EFR3A: variants seen among roughly 807,000 people sequenced by gnomAD.
EFR3A encodes EFR3 homolog A.
EFR3A carries 76 observed loss-of-function variants against 104.4 expected under a neutral mutation model. The observed-to-expected ratio is 0.73, with a 90% confidence interval of 0.60 to 0.88. The LOEUF is 0.88. Among genes scored for constraint, EFR3A ranks in the 40% least tolerant of loss-of-function variants. The pLI is 0.00. For missense variants in EFR3A, 985 were observed against 1,012.5 expected, an observed-to-expected ratio of 0.97 and a Z score of 0.37; for synonymous variants, 330 against 330.0, an observed-to-expected ratio of 1.00 and a Z score of 0.00.
At chr8:131,988,749 A>G (rs1363952585) in intron 18 of EFR3A, among the ~76,000 whole-genome samples, 4 of 152,282 alleles carry the variant, frequency 2.6e-5, no homozygotes, top group South Asian at 4.1e-4. Context: ...AGGTAAATCC[A>G]GTTGTCAGTT....
At chr8:131,933,814 T>C (rs1264942109) in intron 1 of EFR3A, among the ~76,000 whole-genome samples, 8 of 152,014 alleles carry the variant, frequency 5.3e-5, no homozygotes, top group Admixed American at 5.2e-4. Flanking sequence ...CTGTTTTTTT[T>C]TTTCTACAGT....
intron 14 of EFR3A, among the ~76,000 whole-genome samples, chr8:131,980,708 A>G (rs1257178085): frequency 6.6e-6 from 1 of 152,068 alleles, no homozygotes; most frequent in Non-Finnish European, 1.5e-5. Context: ...AATATACAAT[A>G]CACTATTATT....
At chr8:131,921,558 A>AT (rs947071522) in intron 1 of EFR3A, among the ~76,000 whole-genome samples, 2 of 152,116 alleles carry the variant, frequency 1.3e-5, no homozygotes, top group South Asian at 4.1e-4. Context: ...CAACATTTTC[A>AT]TTTTTTTAAT....
chr8:131,956,796 A>G lies in EFR3A; in HGVS notation c.776+891A>G, dbSNP rs546108397. On this transcript the variant is annotated intron_variant, in intron 7 of 22. Transcript: ENST00000254624. The stretch of plus-strand genomic sequence containing the variant: ...GGGATCTGTGTTTCCTCCCACCTCC[A>G]AAATATTGAGATCTATTGTTTAAAG... Among the ~76,000 whole-genome samples, 4 of 152,282 alleles carry G rather than the reference A, an allele frequency of 2.6e-5. No homozygotes were observed. The South Asian group carries it at 8.3e-4, about 32-fold the overall frequency.
chr8:131,998,780 CAAGGT>C (rs1459069281), intron 19 of EFR3A, among the ~76,000 whole-genome samples: 3 of 151,910 alleles, frequency 2.0e-5, no homozygotes, highest in Non-Finnish European at 4.4e-5. Flanking sequence ...TTGAGAGACT[CAAGGT>C]AAAAGGTATT....
At chr8:131,977,787 G>A (rs1383878366) in intron 12 of EFR3A, among the ~76,000 whole-genome samples, 1 of 151,640 alleles carries the variant, frequency 6.6e-6, no homozygotes, top group Non-Finnish European at 1.5e-5. Context: ...TCTGTTTATG[G>A]CGCTTGTCAT....
chr8:131,973,269 C>T (rs558437852), intron 10 of EFR3A, among the ~76,000 whole-genome samples: 2 of 151,926 alleles, frequency 1.3e-5, no homozygotes, highest in South Asian at 2.1e-4. Flanking sequence ...TAGTGAACCT[C>T]GCTTCTGTGG....
chr8:132,007,552 C>G (rs1822114859), intron 22 of EFR3A, among the ~76,000 whole-genome samples: 1 of 151,912 alleles, frequency 6.6e-6, no homozygotes, highest in Non-Finnish European at 1.5e-5. Context: ...TCAAGTTGAT[C>G]TGTAGCTTCA....
At chr8:131,920,315 T>G (rs1451521369) in intron 1 of EFR3A, among the ~76,000 whole-genome samples, 2 of 152,160 alleles carry the variant, frequency 1.3e-5, no homozygotes, top group African/African-American at 4.8e-5. Flanking sequence ...AAGATGTGCA[T>G]GTAGCAAGGA....
At position 132,002,609 on chromosome 8, in the gene EFR3A, G is replaced by C. The variant is rs771962282; in HGVS notation, c.2213G>C (p.Ser738Thr). ...TTTATAAATATTTGTATAGATACCAGTGGAATGGAAGAACAGGAAAAGGAA... is the reference window on the plus strand; with the variant it reads ...TTTATAAATATTTGTATAGATACCACTGGAATGGAAGAACAGGAAAAGGAA... Reference protein sequence around the residue: ...FEALKKAIDTSGMEEQEKEKR... With the variant: ...FEALKKAIDTTGMEEQEKEKR... Residue 738 changes from serine to threonine, a missense_variant, in exon 21 of 23, where the codon AGT becomes ACT. Transcript: ENST00000254624. 3 of 1,612,344 alleles carry C rather than the reference G, an allele frequency of 1.9e-6. No homozygotes were observed. The South Asian group carries it at 3.3e-5, about 18-fold the overall frequency.
chr8:131,950,221 C>A, intron 5 of EFR3A, 131 bp downstream of exon 5: 1 of 985,850 alleles, frequency 1.0e-6, no homozygotes, highest in Non-Finnish European at 1.4e-6. Flanking sequence ...CTGTTAGAAG[C>A]TATAATTGCT....
At chr8:131,971,693 A>T (rs1014696784) in intron 10 of EFR3A, among the ~76,000 whole-genome samples, 2 of 152,152 alleles carry the variant, frequency 1.3e-5, no homozygotes, top group African/African-American at 4.8e-5. Context: ...CTCAAAAAAA[A>T]AAAAAAAAAT....
chr8:132,008,069 C>G (rs1822134337), intron 22 of EFR3A, among the ~76,000 whole-genome samples: 1 of 151,880 alleles, frequency 6.6e-6, no homozygotes, highest in Non-Finnish European at 1.5e-5. Context: ...ACACAAAGTA[C>G]TAAACAAAAT....
At chr8:131,966,134 A>G (rs1423855289) in intron 8 of EFR3A, among the ~76,000 whole-genome samples, 2 of 152,162 alleles carry the variant, frequency 1.3e-5, no homozygotes, top group Non-Finnish European at 2.9e-5. Context: ...TGGGTGCAGC[A>G]CACCAACATG....
chr8:131,987,746 T>TTA (rs1401013388), intron 18 of EFR3A, 44 bp downstream of exon 18: 5 of 1,535,998 alleles, frequency 3.3e-6, no homozygotes, highest in Non-Finnish European at 4.4e-6. Context: ...TGATTGCTTA[T>TTA]GTTATAGTAA....
At chr8:131,981,836 A>G (rs780169496) in intron 14 of EFR3A, among the ~76,000 whole-genome samples, 21 of 151,954 alleles carry the variant, frequency 1.4e-4, no homozygotes, top group Non-Finnish European at 2.8e-4. Flanking sequence ...GGAACCCCTT[A>G]TACATTGGGA....
chr8:131,960,535 T>C (rs1417062345), intron 8 of EFR3A, among the ~76,000 whole-genome samples: 2 of 152,180 alleles, frequency 1.3e-5, no homozygotes, highest in Non-Finnish European at 2.9e-5. Flanking sequence ...TGGTAGTATA[T>C]ACTAGAATAA....
intron 11 of EFR3A, among the ~76,000 whole-genome samples, 187 bp downstream of exon 11, chr8:131,976,328 A>G (rs540748074): frequency 3.1e-4 from 47 of 152,148 alleles, no homozygotes; most frequent in Non-Finnish European, 6.2e-4. Context: ...GGCCTTTAGA[A>G]TCATTTTCAG....
intron 14 of EFR3A, among the ~76,000 whole-genome samples, chr8:131,980,215 T>C (rs1371510257): frequency 1.3e-5 from 2 of 152,032 alleles, no homozygotes; most frequent in Admixed American, 1.3e-4. Context: ...CTTTTTTGCC[T>C]CTTTACTAGA....
Sources: gnomAD v4.1 joint callset for allele counts (sites outside exome capture counted in the v4.1 genomes callset) on GRCh38, gnomAD v4.1.1 for gene constraint, MANE v1.5 for transcripts, NCBI Gene and HGNC (gene_info 2026-07-23, HGNC 2026-07-21) for gene names.